DIAPH3: variants seen among roughly 807,000 people sequenced by gnomAD.
The protein encoded by DIAPH3 is diaphanous related formin 3, also known as protein diaphanous homolog 3.
A neutral mutation model predicts 144.3 loss-of-function variants in DIAPH3; 117 were observed. The ratio of observed to expected loss-of-function variants is 0.81; its 90% CI spans 0.70 to 0.95. DIAPH3 has a LOEUF of 0.95. Among genes scored for constraint, DIAPH3 ranks in the 40% least tolerant of loss-of-function variants. The pLI is 0.00. For synonymous variants in DIAPH3, 519 were observed against 488.9 expected (o/e 1.06, Z -0.81); for missense variants, 1,421 against 1,412.7 (o/e 1.01, Z -0.09).
Position 59,988,549 on chromosome 13 carries a change from A to G in DIAPH3, c.1361+2609T>C, listed in dbSNP as rs192173986. Among the ~76,000 whole-genome samples, 38 of 151,948 alleles carry G rather than the reference A, an allele frequency of 2.5e-4. 1 individual carries two copies. The highest frequency in any genetic ancestry group is 3.4e-3 in the Middle Eastern group (1 of 294). Reference sequence around the variant, plus strand: ...AAAAACTCACTGGGGAGGCAATACTATCAAAGAATAATACACAACATTTCT... The same window carrying G: ...AAAAACTCACTGGGGAGGCAATACTGTCAAAGAATAATACACAACATTTCT... On this transcript the variant is annotated intron_variant, in intron 12 of 27. Transcript: ENST00000400324.
At chr13:60,154,342 G>A (rs1466087188) in intron 1 of DIAPH3, among the ~76,000 whole-genome samples, 2 of 152,094 alleles carry the variant, frequency 1.3e-5, no homozygotes, top group Non-Finnish European at 2.9e-5. Context: ...GAAAGGGGAG[G>A]CACAGAGAAC....
intron 5 of DIAPH3, among the ~76,000 whole-genome samples, chr13:60,019,609 T>TAA (rs5803982): frequency 8.3e-5 from 12 of 144,276 alleles, no homozygotes; most frequent in East Asian, 4.2e-4. Flanking sequence ...TAATAAAAAT[T>TAA]AAAAAAAAAA....
intron 1 of DIAPH3, among the ~76,000 whole-genome samples, chr13:60,134,516 G>A (rs1322539517): frequency 6.6e-6 from 1 of 152,144 alleles, no homozygotes; most frequent in Admixed American, 6.5e-5. Flanking sequence ...GAAAGGAGCT[G>A]GGGCAATGCC....
At chr13:59,841,119 T>G (rs950667892) in intron 22 of DIAPH3, among the ~76,000 whole-genome samples, 1 of 152,142 alleles carries the variant, frequency 6.6e-6, no homozygotes, top group Non-Finnish European at 1.5e-5. Context: ...CTTTTTTCTT[T>G]GCTTCTTTCA....
intron 1 of DIAPH3, among the ~76,000 whole-genome samples, chr13:60,140,217 T>G (rs747206923): frequency 6.6e-6 from 1 of 152,228 alleles, no homozygotes; most frequent in Non-Finnish European, 1.5e-5. Context: ...GAGAAAGATT[T>G]TGTTTATATT....
intron 24 of DIAPH3, among the ~76,000 whole-genome samples, chr13:59,815,785 G>A (rs1178606157): frequency 1.3e-5 from 2 of 152,064 alleles, no homozygotes. Context: ...ATATGCTACT[G>A]ATAATTTTTC....
chr13:59,734,689 G>T, intron 27 of DIAPH3, among the ~76,000 whole-genome samples: 1 of 152,136 alleles, frequency 6.6e-6, no homozygotes, highest in African/African-American at 2.4e-5. Context: ...CAACGACCCA[G>T]TCCCTGCCTT....
intron 27 of DIAPH3, among the ~76,000 whole-genome samples, chr13:59,728,283 T>C (rs2035706005): frequency 6.6e-6 from 1 of 152,100 alleles, no homozygotes; most frequent in Non-Finnish European, 1.5e-5. Context: ...TTAGCTTATC[T>C]GTTCCTAAGA....
chr13:60,161,572 C>T (rs1220267652), intron 1 of DIAPH3, among the ~76,000 whole-genome samples: 1 of 152,170 alleles, frequency 6.6e-6, no homozygotes, highest in African/African-American at 2.4e-5. Context: ...TGCCCAGGCT[C>T]CTTGGCAGAC....
At chr13:59,813,132 G>T (rs1035254664) in intron 24 of DIAPH3, among the ~76,000 whole-genome samples, 1 of 150,648 alleles carries the variant, frequency 6.6e-6, no homozygotes, top group Non-Finnish European at 1.5e-5. Flanking sequence ...GAGTACGGGC[G>T]CAGAAACCTA....
At chr13:59,932,988 T>C (rs1027723374) in intron 17 of DIAPH3, among the ~76,000 whole-genome samples, 1 of 152,206 alleles carries the variant, frequency 6.6e-6, no homozygotes, top group Non-Finnish European at 1.5e-5. Context: ...CAGGGCTGCA[T>C]CAGTGGAAAA....
intron 1 of DIAPH3, among the ~76,000 whole-genome samples, chr13:60,159,860 GA>G (rs1566837383): frequency 6.6e-6 from 1 of 152,146 alleles, no homozygotes. Flanking sequence ...GGCTCACTCA[GA>G]AAGGTTAACT....
At chr13:59,861,291 A>G in intron 22 of DIAPH3, 116 bp downstream of exon 22, 1 of 1,575,154 alleles carries the variant, frequency 6.3e-7, no homozygotes, top group Non-Finnish European at 8.6e-7. Context: ...AAAATGAGAT[A>G]TTGGGTATGA....
At chr13:59,883,354 A>AT (rs2045213470) in intron 20 of DIAPH3, among the ~76,000 whole-genome samples, 1 of 152,000 alleles carries the variant, frequency 6.6e-6, no homozygotes, top group Non-Finnish European at 1.5e-5. Context: ...CTCTTTATAC[A>AT]TTTTCTTTTA....
chr13:59,829,427 A>G (rs1159247998), intron 24 of DIAPH3, among the ~76,000 whole-genome samples: 1 of 151,928 alleles, frequency 6.6e-6, no homozygotes, highest in Non-Finnish European at 1.5e-5. Context: ...CAGCCTGGAA[A>G]GAATCTTAGC....
At chr13:59,993,897 C>T (rs752620081) in intron 9 of DIAPH3, among the ~76,000 whole-genome samples, 1 of 151,676 alleles carries the variant, frequency 6.6e-6, no homozygotes, top group Non-Finnish European at 1.5e-5. Context: ...GCAAATAATG[C>T]TTCTCTACAT....
rs540665537 is a variant in DIAPH3 at position 60,051,404 on chromosome 13, G to A, written c.496-8584C>T. Among the ~76,000 whole-genome samples, 4 of 152,258 alleles carry A rather than the reference G, an allele frequency of 2.6e-5. No homozygotes were observed. In the East Asian group the frequency reaches 7.7e-4, roughly 29 times the overall value. Reference sequence around the variant, plus strand: ...GGAGGCTAAGACGGGTGGATCATCTGAGGTCAGGAGTTCGAGACCAGCCTG... The same window carrying A: ...GGAGGCTAAGACGGGTGGATCATCTAAGGTCAGGAGTTCGAGACCAGCCTG... On this transcript the variant is annotated intron_variant, in intron 4 of 27. Coordinates refer to ENST00000400324, the MANE Select transcript of DIAPH3 (RefSeq NM_001042517.2).
intron 3 of DIAPH3, among the ~76,000 whole-genome samples, chr13:60,104,627 T>C (rs1384197846): frequency 6.6e-6 from 1 of 151,876 alleles, no homozygotes; most frequent in Admixed American, 6.6e-5. Context: ...AATATCACTT[T>C]TCTTTCATAT....
chr13:59,827,167 C>A (rs1017465609), intron 24 of DIAPH3, among the ~76,000 whole-genome samples: 2 of 151,826 alleles, frequency 1.3e-5, no homozygotes, highest in Non-Finnish European at 2.9e-5. Flanking sequence ...GCAACAAAAG[C>A]CAAAATTGAC....
Sources: allele counts gnomAD v4.1 joint callset (sites outside exome capture counted in the v4.1 genomes callset), GRCh38; gene constraint gnomAD v4.1.1; transcripts MANE v1.5; gene names NCBI Gene and HGNC (gene_info 2026-07-23, HGNC 2026-07-21).